PTPRD: variants seen among roughly 807,000 people sequenced by gnomAD.
The protein encoded by PTPRD is receptor-type tyrosine-protein phosphatase delta.
PTPRD carries 34 observed loss-of-function variants against 214.5 expected under a neutral mutation model. The observed-to-expected ratio is 0.16, with a 90% CI of 0.12 to 0.21. PTPRD has a LOEUF of 0.21. Ranked by LOEUF, PTPRD falls within the 10% of genes least tolerant of loss-of-function variation. The probability of loss-of-function intolerance (pLI) is 1.00; values close to 1 mark genes in which losing one functional copy is unlikely to be tolerated. For missense variants in PTPRD, 2,545 were observed against 2,398.7 expected (o/e 1.06, Z -1.27); for synonymous variants, 1,128 against 845.7 (o/e 1.33, Z -5.79).
chr9:10,376,693 T>A (rs530020378), intron 2 of PTPRD, among the ~76,000 whole-genome samples: 1 of 151,990 alleles, frequency 6.6e-6, no homozygotes, highest in East Asian at 2.0e-4. Flanking sequence ...GAGAAGATAA[T>A]TCTAAAATTT....
intron 7 of PTPRD, among the ~76,000 whole-genome samples, chr9:9,611,820 C>T (rs1033322081): frequency 2.0e-5 from 3 of 152,010 alleles, no homozygotes; most frequent in Non-Finnish European, 4.4e-5. Flanking sequence ...TTATGTTACA[C>T]ATAAAAATGT....
At chr9:9,067,533 G>C (rs888608831) in intron 10 of PTPRD, among the ~76,000 whole-genome samples, 1 of 152,014 alleles carries the variant, frequency 6.6e-6, no homozygotes, top group Non-Finnish European at 1.5e-5. Context: ...TCCTCTTCTT[G>C]GCAGGTACTT....
chr9:8,344,162 G>GTGT (rs1855264667), intron 39 of PTPRD, among the ~76,000 whole-genome samples: 1 of 152,008 alleles, frequency 6.6e-6, no homozygotes, highest in Admixed American at 6.6e-5. Flanking sequence ...CGTTCTTTCT[G>GTGT]TGTTGTCTTT....
intron 37 of PTPRD, among the ~76,000 whole-genome samples, chr9:8,383,786 C>A (rs1034246331): frequency 2.0e-5 from 3 of 152,130 alleles, no homozygotes; most frequent in African/African-American, 7.2e-5. Flanking sequence ...AGTGAATCAA[C>A]CCCCACTATA....
At chr9:10,041,745 G>A (rs2097300178) in intron 3 of PTPRD, among the ~76,000 whole-genome samples, 1 of 151,914 alleles carries the variant, frequency 6.6e-6, no homozygotes, top group Non-Finnish European at 1.5e-5. Context: ...AAATGATTAA[G>A]CACTTTTACA....
At chr9:8,784,980 C>T (rs917404107) in intron 11 of PTPRD, among the ~76,000 whole-genome samples, 2 of 152,130 alleles carry the variant, frequency 1.3e-5, no homozygotes, top group African/African-American at 4.8e-5. Context: ...TCCGAGAGCA[C>T]CATTACAACA....
At chr9:10,511,724 TA>T (rs2048111142) in intron 2 of PTPRD, among the ~76,000 whole-genome samples, 1 of 151,250 alleles carries the variant, frequency 6.6e-6, no homozygotes, top group Non-Finnish European at 1.5e-5. Flanking sequence ...ACCATTTCTT[TA>T]AAAACTTTTT....
intron 7 of PTPRD, among the ~76,000 whole-genome samples, chr9:9,671,086 G>A (rs1174595535): frequency 6.6e-6 from 1 of 152,188 alleles, no homozygotes; most frequent in African/African-American, 2.4e-5. Context: ...GCTCATGAAA[G>A]CAGCTGGGAG....
At chr9:8,909,742 G>A (rs1194750210) in intron 11 of PTPRD, among the ~76,000 whole-genome samples, 6 of 151,670 alleles carry the variant, frequency 4.0e-5, no homozygotes, top group African/African-American at 1.5e-4. Context: ...CAAATAAGGT[G>A]GAAGACATAG....
chr9:9,780,895 C>A (rs1009082967), intron 5 of PTPRD, among the ~76,000 whole-genome samples: 1 of 152,098 alleles, frequency 6.6e-6, no homozygotes, highest in Non-Finnish European at 1.5e-5. Context: ...CATGGAGGAA[C>A]CTGAATAACA....
At chr9:9,865,991 C>T (rs1279004647) in intron 5 of PTPRD, among the ~76,000 whole-genome samples, 4 of 152,186 alleles carry the variant, frequency 2.6e-5, no homozygotes, top group Non-Finnish European at 5.9e-5. Context: ...ACACTGCTCC[C>T]TTCTAATCTT....
At chr9:10,050,944 T>C (rs2097525508) in intron 3 of PTPRD, among the ~76,000 whole-genome samples, 1 of 152,124 alleles carries the variant, frequency 6.6e-6, no homozygotes, top group African/African-American at 2.4e-5. Flanking sequence ...AGGGTAAGCA[T>C]ATGTAATGCT....
At chr9:8,602,679 A>G (rs1374132136) in intron 14 of PTPRD, among the ~76,000 whole-genome samples, 1 of 152,232 alleles carries the variant, frequency 6.6e-6, no homozygotes, top group Non-Finnish European at 1.5e-5. Flanking sequence ...AAGACTGTCA[A>G]CTTGAATGAA....
intron 6 of PTPRD, among the ~76,000 whole-genome samples, chr9:9,765,759 C>G (rs1291651137): frequency 2.0e-5 from 3 of 152,184 alleles, no homozygotes; most frequent in African/African-American, 4.8e-5. Context: ...CTCCTGGGTT[C>G]ACGCCATTCT....
intron 9 of PTPRD, among the ~76,000 whole-genome samples, chr9:9,367,542 T>A (rs1012147331): frequency 4.6e-5 from 7 of 151,582 alleles, no homozygotes; most frequent in African/African-American, 1.7e-4. Flanking sequence ...GTACAGGATC[T>A]GTACTGTTCA....
chr9:10,209,230 G>C (rs539150250), intron 3 of PTPRD, among the ~76,000 whole-genome samples: 2 of 152,220 alleles, frequency 1.3e-5, no homozygotes, highest in South Asian at 4.2e-4. Flanking sequence ...TTGGAAAGAA[G>C]TAAAATATCT....
chr9:9,062,744 C>T (rs1346537329), intron 10 of PTPRD, among the ~76,000 whole-genome samples: 2 of 152,130 alleles, frequency 1.3e-5, no homozygotes, highest in Non-Finnish European at 2.9e-5. Flanking sequence ...GTGTAAATAT[C>T]ATATGGCTGC....
chr9:8,703,037 T>C (rs2098124660), intron 12 of PTPRD, among the ~76,000 whole-genome samples: 1 of 152,168 alleles, frequency 6.6e-6, no homozygotes, highest in Admixed American at 6.5e-5. Context: ...TCCAATTACA[T>C]AAAGAATTTT....
chr9:8,770,487 A>C (rs964389053), intron 11 of PTPRD, among the ~76,000 whole-genome samples: 1 of 152,150 alleles, frequency 6.6e-6, no homozygotes, highest in Non-Finnish European at 1.5e-5. Context: ...TCTCTCATTA[A>C]ATATACTCTC....
Sources: gnomAD v4.1 joint callset for allele counts (sites outside exome capture counted in the v4.1 genomes callset) on GRCh38, gnomAD v4.1.1 for gene constraint, MANE v1.5 for transcripts, NCBI Gene and HGNC (gene_info 2026-07-23, HGNC 2026-07-21) for gene names.